SHROOM2: variants seen among roughly 807,000 people sequenced by gnomAD.
SHROOM2 encodes shroom family member 2.
A neutral mutation model predicts 75.9 loss-of-function variants in SHROOM2; 33 were observed. The observed-to-expected ratio is 0.43, with a 90% CI of 0.33 to 0.58. SHROOM2 has a LOEUF of 0.58. Ranked by LOEUF, SHROOM2 falls within the 20% of genes least tolerant of loss-of-function variation. The probability of loss-of-function intolerance (pLI) is 0.04; values close to 1 mark genes in which losing one functional copy is unlikely to be tolerated. For synonymous variants in SHROOM2, 655 were observed against 663.6 expected (o/e 0.99, Z 0.20); for missense variants, 1,434 against 1,461.2 (o/e 0.98, Z 0.30).
chrX:9,853,157 T>C (rs2084049471), intron 1 of SHROOM2, among the ~76,000 whole-genome samples: 1 of 111,232 alleles, frequency 9.0e-6, no homozygotes, highest in Admixed American at 9.6e-5. Flanking sequence ...GGGGACAGGA[T>C]CCAGAAGCAT....
At chrX:9,912,107 AACACACACAC>A (rs61080253) in intron 5 of SHROOM2, among the ~76,000 whole-genome samples, 3,038 of 26,445 alleles carry the variant, frequency 0.11, 444 homozygotes, top group African/African-American at 0.32. Context: ...CCTTTCTCCA[AACACACACAC>A]ACACACACAC....
rs372133611 is a variant in SHROOM2 at position 9,786,826 on chromosome X, C to G, written c.165+116C>G. 46 of 557,329 alleles carry G rather than the reference C, an allele frequency of 8.3e-5. 1 individual carries two copies. The highest frequency in any genetic ancestry group is 8.3e-4 in the Middle Eastern group (1 of 1,201). The allele number at this position is 557,329 out of a possible 1,213,427, so 45.9% of individuals were successfully genotyped here. A position where few individuals can be genotyped will look rare whatever the true frequency, so the allele number is the denominator to read the frequency against. The stretch of plus-strand genomic sequence containing the variant: ...CTCGCGCCCCCGGGTCTGGCGCGCG[C>G]GTCTGCTGGGGTCACCTGCCGGGCC... On this transcript the variant is annotated intron_variant, in intron 1 of 9. Coordinates refer to ENST00000380913, the MANE Select transcript of SHROOM2 (RefSeq NM_001649.4).
At chrX:9,900,080 C>G (rs1360762054) in intron 5 of SHROOM2, among the ~76,000 whole-genome samples, 1 of 111,185 alleles carries the variant, frequency 9.0e-6, no homozygotes, top group African/African-American at 3.3e-5. Context: ...GAAGCGGGGC[C>G]CCCTGCTTCA....
chrX:9,882,698 G>A (rs1353251660), intron 2 of SHROOM2, among the ~76,000 whole-genome samples: 4 of 111,780 alleles, frequency 3.6e-5, no homozygotes, highest in Non-Finnish European at 5.7e-5. Flanking sequence ...CAGAGGCGGG[G>A]CACGCTCTTG....
At chrX:9,882,273 G>A (rs929482824) in intron 2 of SHROOM2, among the ~76,000 whole-genome samples, 3 of 95,696 alleles carry the variant, frequency 3.1e-5, no homozygotes, top group East Asian at 3.4e-4. Context: ...TCTTATATCC[G>A]TGGTGTTCAT....
Position 9,896,551 on chromosome X carries a change from G to C in SHROOM2, c.2643G>C (p.Lys881Asn), listed in dbSNP as rs771094751. ...TTGCAGAGTATCAGGCCTCTTGGAA[G>C]GAACAGAGGAAACCTCTGGAGGCCA... ...GTFAEYQASW[K>N]EQRKPLEARS... is the part of the protein sequence containing the mutation. The change falls in exon 4 of 10, where the codon AAG becomes AAC. Residue 881 changes from lysine to asparagine, a missense_variant. Physicochemically the swap from Lys to Asn is moderately conservative, Grantham distance 94. Around this residue, in one of 3 missense-constraint regions of SHROOM2, gnomAD observed 1,340 missense variants for 1,338.3 expected, o/e 1.00. Transcript: ENST00000380913. 7.4e-6 allele frequency: 9 copies of C among 1,210,897 alleles called. No homozygotes were observed. In the Admixed American group the frequency reaches 2.0e-4, roughly 26 times the overall value.
chrX:9,930,343 C>A (rs1444239221), intron 5 of SHROOM2, among the ~76,000 whole-genome samples: 1 of 110,086 alleles, frequency 9.1e-6, no homozygotes, highest in African/African-American at 3.3e-5. Flanking sequence ...TGGTGAAACC[C>A]TATCTCTACA....
At chrX:9,864,824 C>CAAA (rs61611534) in intron 1 of SHROOM2, among the ~76,000 whole-genome samples, 5 of 95,884 alleles carry the variant, frequency 5.2e-5, no homozygotes, top group South Asian at 5.1e-4. Flanking sequence ...GACTCCGTCT[C>CAAA]AAAAAATAAA....
At chrX:9,788,173 A>C (rs770511667) in intron 1 of SHROOM2, among the ~76,000 whole-genome samples, 1 of 110,377 alleles carries the variant, frequency 9.1e-6, no homozygotes, top group Non-Finnish European at 1.9e-5. Flanking sequence ...TACAGGCATG[A>C]GCCACTGCGC....
chrX:9,812,758 G>A (rs2083798594), intron 1 of SHROOM2, among the ~76,000 whole-genome samples: 1 of 112,347 alleles, frequency 8.9e-6, no homozygotes, highest in African/African-American at 3.2e-5. Flanking sequence ...CACAAAGCTG[G>A]AGAGGTGATA....
intron 5 of SHROOM2, among the ~76,000 whole-genome samples, chrX:9,911,409 CATATGTTATTTGGAG>C (rs1443482064): frequency 8.9e-6 from 1 of 112,328 alleles, no homozygotes. Context: ...TGCAAAGCAG[CATATGTTATTTGGAG>C]AAATGAGCAA....
chrX:9,864,904 T>G (rs1204117697), intron 1 of SHROOM2, among the ~76,000 whole-genome samples: 1 of 111,768 alleles, frequency 8.9e-6, no homozygotes, highest in Non-Finnish European at 1.9e-5. Flanking sequence ...TCCCACCTTC[T>G]TGGGAGGCTG....
At chrX:9,914,006 C>CA (rs2084459382) in intron 5 of SHROOM2, among the ~76,000 whole-genome samples, 1 of 110,108 alleles carries the variant, frequency 9.1e-6, no homozygotes, top group Admixed American at 9.8e-5. Context: ...CACATAGTGG[C>CA]AAAAACATTT....
chrX:9,927,045 T>C (rs2084600998), intron 5 of SHROOM2, among the ~76,000 whole-genome samples: 1 of 110,871 alleles, frequency 9.0e-6, no homozygotes, highest in South Asian at 3.8e-4. Context: ...TATCCCATCA[T>C]TGACACCAAA....
At chrX:9,898,961 G>C (rs1292415947) in intron 5 of SHROOM2, among the ~76,000 whole-genome samples, 1 of 110,933 alleles carries the variant, frequency 9.0e-6, no homozygotes, top group Non-Finnish European at 1.9e-5. Context: ...AGTATAATCT[G>C]TGCTGGGTGT....
At chrX:9,897,690 A>AG (rs1270094356) in intron 4 of SHROOM2, among the ~76,000 whole-genome samples, 13 of 108,986 alleles carry the variant, frequency 1.2e-4, no homozygotes, top group Non-Finnish European at 2.3e-4. Context: ...CAAAAAAAAA[A>AG]AAAAAAAAAA....
intron 1 of SHROOM2, among the ~76,000 whole-genome samples, chrX:9,840,911 CTT>C (rs2083975924): frequency 8.9e-6 from 1 of 112,422 alleles, no homozygotes; most frequent in African/African-American, 3.2e-5. Flanking sequence ...CTTTGGAAAA[CTT>C]TTCCCATTAC....
chrX:9,791,721 G>A (rs965303680), intron 1 of SHROOM2, among the ~76,000 whole-genome samples: 3 of 111,110 alleles, frequency 2.7e-5, no homozygotes, highest in Non-Finnish European at 5.6e-5. Flanking sequence ...TGCCAGGCAC[G>A]GTGGCTCACG....
Position 9,895,720 on chromosome X carries a change from C to T in SHROOM2, c.1812C>T (p.Asp604=). Residue 604 remains aspartate (D), a synonymous_variant, in exon 4 of 10, where the codon GAC becomes GAT. Coordinates refer to ENST00000380913, the MANE Select transcript of SHROOM2 (RefSeq NM_001649.4). The part of the protein sequence containing the change: ...GKRRPESSPE[D]SATRPPPFDA... ...GCCGGCCTGAGAGCAGTCCAGAGGA[C>T]AGCGCCACCAGACCGCCACCGTTCG... The T allele has an allele frequency of 8.4e-7, 1 of 1,193,192 alleles. No homozygotes were observed. The highest frequency in any genetic ancestry group is 1.1e-6 in the Non-Finnish European group (1 of 887,694).
Sources: allele counts gnomAD v4.1 joint callset (sites outside exome capture counted in the v4.1 genomes callset), GRCh38; gene constraint gnomAD v4.1.1; regional missense constraint gnomAD v4.1.1; transcripts MANE v1.5; gene names NCBI Gene and HGNC (gene_info 2026-07-23, HGNC 2026-07-21).